The following MGAT4C variants were observed in gnomAD, a reference collection of about 807,000 sequenced individuals.
MGAT4C encodes MGAT4 family member C.
MGAT4C carries 19 observed loss-of-function variants against 40.1 expected under a neutral mutation model. The observed-to-expected ratio is 0.47, with a 90% CI of 0.33 to 0.70. MGAT4C has a LOEUF of 0.70. Among genes scored for constraint, MGAT4C ranks in the 30% least tolerant of loss-of-function variants. The probability of loss-of-function intolerance (pLI) is 0.02; values close to 1 mark genes in which losing one functional copy is unlikely to be tolerated. For synonymous variants in MGAT4C, 181 were observed against 187.1 expected (o/e 0.97, Z 0.27); for missense variants, 491 against 563.2 (o/e 0.87, Z 1.30).
intron 1 of MGAT4C, among the ~76,000 whole-genome samples, chr12:86,834,967 C>A (rs1169513472): frequency 6.6e-6 from 1 of 151,912 alleles, no homozygotes; most frequent in African/African-American, 2.4e-5. Context: ...TAGTTGGTGG[C>A]TCCCTTTTGT....
chr12:86,721,055 T>C (rs1414889201), intron 2 of MGAT4C, among the ~76,000 whole-genome samples: 1 of 152,072 alleles, frequency 6.6e-6, no homozygotes, highest in Non-Finnish European at 1.5e-5. Flanking sequence ...ATCAAGAATC[T>C]CATATGTGTT....
chr12:86,514,790 G>A (rs1411057252), intron 2 of MGAT4C, among the ~76,000 whole-genome samples: 1 of 152,138 alleles, frequency 6.6e-6, no homozygotes, highest in Non-Finnish European at 1.5e-5. Flanking sequence ...AGATTAGAAT[G>A]TGAACATTGT....
chr12:86,793,963 T>C (rs1161361534), intron 1 of MGAT4C, among the ~76,000 whole-genome samples: 1 of 151,938 alleles, frequency 6.6e-6, no homozygotes, highest in Non-Finnish European at 1.5e-5. Context: ...GCCAAGAATT[T>C]GGAAAGCAAG....
intron 1 of MGAT4C, among the ~76,000 whole-genome samples, chr12:86,173,171 T>C (rs559608828): frequency 1.3e-5 from 2 of 152,272 alleles, no homozygotes; most frequent in East Asian, 3.9e-4. Context: ...ATTCATATAT[T>C]TCTTAGAAGA....
chr12:86,130,555 T>G (rs1429015819), intron 1 of MGAT4C, among the ~76,000 whole-genome samples: 4 of 152,090 alleles, frequency 2.6e-5, no homozygotes, highest in African/African-American at 7.2e-5. Context: ...AATTCTCTAG[T>G]GTTGCTTTTC....
chr12:86,026,592 C>T (rs1355974924), intron 2 of MGAT4C, among the ~76,000 whole-genome samples: 1 of 151,790 alleles, frequency 6.6e-6, no homozygotes, highest in African/African-American at 2.4e-5. Context: ...TATCTTTGTG[C>T]CTAATTTTTT....
At chr12:86,555,116 T>C (rs965234998) in intron 2 of MGAT4C, among the ~76,000 whole-genome samples, 1 of 151,826 alleles carries the variant, frequency 6.6e-6, no homozygotes, top group African/African-American at 2.4e-5. Context: ...ATTGGGCCTA[T>C]ATGGATAATA....
intron 2 of MGAT4C, among the ~76,000 whole-genome samples, chr12:86,636,625 T>C (rs1425570010): frequency 6.6e-6 from 1 of 152,018 alleles, no homozygotes; most frequent in Non-Finnish European, 1.5e-5. Flanking sequence ...TTAACTGGAT[T>C]GGGAAAGATA....
At chr12:86,061,085 A>T (rs1893909666) in intron 1 of MGAT4C, among the ~76,000 whole-genome samples, 1 of 152,126 alleles carries the variant, frequency 6.6e-6, no homozygotes. Context: ...GCTGAATGGG[A>T]ACAGCTTTGG....
chr12:86,501,381 G>C (rs778139879), intron 2 of MGAT4C, among the ~76,000 whole-genome samples: 1 of 151,836 alleles, frequency 6.6e-6, no homozygotes, highest in Non-Finnish European at 1.5e-5. Context: ...AGAAGTGCAG[G>C]TTTGTTACAC....
chr12:86,623,351 C>T (rs1480713654), intron 2 of MGAT4C, among the ~76,000 whole-genome samples: 1 of 152,080 alleles, frequency 6.6e-6, no homozygotes, highest in African/African-American at 2.4e-5. Flanking sequence ...AAAACAAACT[C>T]AAGCATAGGT....
chr12:86,650,304 TCAAA>T (rs1224521026), intron 2 of MGAT4C, among the ~76,000 whole-genome samples: 3 of 151,944 alleles, frequency 2.0e-5, no homozygotes, highest in African/African-American at 7.2e-5. Flanking sequence ...TTATGTGCCT[TCAAA>T]CATAGTTGTG....
intron 1 of MGAT4C, among the ~76,000 whole-genome samples, chr12:86,783,273 T>C (rs1213230571): frequency 6.6e-6 from 1 of 152,010 alleles, no homozygotes; most frequent in Admixed American, 6.6e-5. Context: ...CCAGAAGGAG[T>C]TACATAATTA....
intron 3 of MGAT4C, among the ~76,000 whole-genome samples, chr12:86,388,881 A>G (rs981260653): frequency 6.6e-6 from 1 of 151,650 alleles, no homozygotes; most frequent in Non-Finnish European, 1.5e-5. Context: ...ACATGGTTTC[A>G]CCATGTTGGC....
intron 2 of MGAT4C, among the ~76,000 whole-genome samples, chr12:86,658,356 A>G (rs1208087529): frequency 6.6e-6 from 1 of 152,108 alleles, no homozygotes; most frequent in African/African-American, 2.4e-5. Context: ...ACTTTGTTTA[A>G]AACACAAAAC....
chr12:86,498,156 C>T (rs1451134352), intron 2 of MGAT4C, among the ~76,000 whole-genome samples: 2 of 150,892 alleles, frequency 1.3e-5, no homozygotes, highest in Non-Finnish European at 3.0e-5. Context: ...TTCTTTGGGG[C>T]ATTTGTTTTT....
chr12:86,141,605 A>C (rs944184916), intron 1 of MGAT4C, among the ~76,000 whole-genome samples: 40 of 152,174 alleles, frequency 2.6e-4, no homozygotes, highest in Non-Finnish European at 4.4e-5. Context: ...TTAGCTGTAC[A>C]GAAAGGGTTT....
At chr12:86,737,014 TA>T (rs11341650) in intron 1 of MGAT4C, among the ~76,000 whole-genome samples, 13,983 of 129,622 alleles carry the variant, frequency 0.11, 716 homozygotes, top group Middle Eastern at 0.13. Context: ...TGCAATTCTA[TA>T]AAAAAAAAAA....
intron 2 of MGAT4C, among the ~76,000 whole-genome samples, chr12:86,627,163 T>TG (rs59427894): frequency 1 from 151,708 of 152,120 alleles, 75,652 homozygotes; most frequent in Middle Eastern, 1. Flanking sequence ...CAAGCCTGGC[T>TG]GGGGAGGGGC....
Sources: allele counts gnomAD v4.1 joint callset (sites outside exome capture counted in the v4.1 genomes callset), GRCh38; gene constraint gnomAD v4.1.1; transcripts MANE v1.5; gene names NCBI Gene and HGNC (gene_info 2026-07-23, HGNC 2026-07-21).